The following B3GALT1 variants were observed in gnomAD, a reference collection of about 807,000 sequenced individuals.
B3GALT1 encodes beta-1,3-galactosyltransferase 1, also known as UDP-Gal:betaGlcNAc beta 1,3-galactosyltransferase, polypeptide 1.
In B3GALT1, 10 loss-of-function variants were observed where a neutral mutation model predicts 23.2. That is an observed-to-expected ratio of 0.43 (90% CI 0.27 to 0.73). The LOEUF (loss-of-function observed/expected upper bound fraction) is 0.73, where lower values mean the gene tolerates loss of function less well. B3GALT1 is among the 30% of genes least tolerant of loss of function. The probability of loss-of-function intolerance (pLI) is 0.21; values close to 1 mark genes in which losing one functional copy is unlikely to be tolerated. For synonymous variants in B3GALT1, 156 were observed against 141.5 expected (o/e 1.10, Z -0.73); for missense variants, 299 against 405.4 (o/e 0.74, Z 2.25).
At chr2:167,534,558 A>G (rs1462891233) in intron 2 of B3GALT1, among the ~76,000 whole-genome samples, 1 of 152,124 alleles carries the variant, frequency 6.6e-6, no homozygotes, top group East Asian at 1.9e-4. Context: ...AATCAAAAAT[A>G]TTTTTCTAAA....
At chr2:167,376,380 C>A (rs1460750041) in intron 1 of B3GALT1, among the ~76,000 whole-genome samples, 2 of 151,928 alleles carry the variant, frequency 1.3e-5, no homozygotes, top group Non-Finnish European at 2.9e-5. Context: ...AGGGAGGAGT[C>A]CCTTCTCAAT....
intron 3 of B3GALT1, among the ~76,000 whole-genome samples, chr2:167,770,324 A>G (rs1688052020): frequency 6.6e-6 from 1 of 152,146 alleles, no homozygotes; most frequent in African/African-American, 2.4e-5. Context: ...GTGATATATC[A>G]TTGTGGTTTT....
intron 4 of B3GALT1, among the ~76,000 whole-genome samples, chr2:167,851,639 G>C (rs1689895294): frequency 6.6e-6 from 1 of 152,168 alleles, no homozygotes; most frequent in South Asian, 2.1e-4. Context: ...ATACACTCTG[G>C]CTGTAAGCCA....
At chr2:167,858,824 A>G (rs983587062) in intron 4 of B3GALT1, among the ~76,000 whole-genome samples, 1 of 152,198 alleles carries the variant, frequency 6.6e-6, no homozygotes, top group Non-Finnish European at 1.5e-5. Context: ...AGTCTGTTCC[A>G]TGTATTATCA....
chr2:167,813,167 A>G (rs767776938), intron 3 of B3GALT1, among the ~76,000 whole-genome samples: 1 of 152,234 alleles, frequency 6.6e-6, no homozygotes, highest in Non-Finnish European at 1.5e-5. Context: ...GAAGCAATGA[A>G]TATAACAGGA....
Position 167,507,533 on chromosome 2 carries a change from A to AGAATAAGAT in B3GALT1, c.-410+17257_-410+17265dup, listed in dbSNP as rs1699939356. Among the ~76,000 whole-genome samples, 10 of 146,024 alleles carry AGAATAAGAT rather than the reference A, an allele frequency of 6.8e-5. No homozygotes were observed. The South Asian group carries it at 2.2e-3, about 32-fold the overall frequency. ...AAAAAAAAAAAAAAAAAAAAAAAGT[A>AGAATAAGAT]GAATAAGATAAAGGTGGTATTAAGA... On this transcript the variant is annotated intron_variant, in intron 2 of 4. Coordinates refer to ENST00000392690, the MANE Select transcript of B3GALT1 (RefSeq NM_020981.4).
intron 1 of B3GALT1, among the ~76,000 whole-genome samples, chr2:167,475,314 C>T (rs1699472245): frequency 6.6e-6 from 1 of 152,156 alleles, no homozygotes; most frequent in Admixed American, 6.5e-5. Flanking sequence ...ATCAGTTCCA[C>T]TCTCAAGGTA....
At chr2:167,358,369 C>T (rs1346862397) in intron 1 of B3GALT1, among the ~76,000 whole-genome samples, 1 of 152,120 alleles carries the variant, frequency 6.6e-6, no homozygotes, top group South Asian at 2.1e-4. Context: ...TTGATTACAT[C>T]GGCAGATTAG....
chr2:167,589,654 C>A (rs78672857), intron 2 of B3GALT1, among the ~76,000 whole-genome samples: 3,941 of 152,140 alleles, frequency 0.026, 86 homozygotes, highest in Middle Eastern at 0.041. Context: ...TTTCATTAAT[C>A]TGTCTTTTAT....
chr2:167,445,716 G>T (rs1006749839), intron 1 of B3GALT1, among the ~76,000 whole-genome samples: 3 of 152,020 alleles, frequency 2.0e-5, no homozygotes, highest in African/African-American at 7.2e-5. Context: ...AATTAACTTG[G>T]TAGATCTGCC....
At chr2:167,338,018 A>G (rs1697086171) in intron 1 of B3GALT1, among the ~76,000 whole-genome samples, 1 of 152,306 alleles carries the variant, frequency 6.6e-6, no homozygotes, top group South Asian at 2.1e-4. Context: ...ATTCCATTAC[A>G]TTCTTCTGTG....
intron 3 of B3GALT1, among the ~76,000 whole-genome samples, chr2:167,803,888 T>C (rs775763010): frequency 1.3e-5 from 2 of 152,166 alleles, no homozygotes; most frequent in Non-Finnish European, 2.9e-5. Flanking sequence ...AGTTGTATTT[T>C]ACGTTAATGG....
chr2:167,504,048 C>T (rs1421260622), intron 2 of B3GALT1, among the ~76,000 whole-genome samples: 1 of 152,178 alleles, frequency 6.6e-6, no homozygotes, highest in Non-Finnish European at 1.5e-5. Flanking sequence ...AGAACTACCA[C>T]ATCAACACCA....
At chr2:167,435,433 C>CAAAAAAAA (rs1159357073) in intron 1 of B3GALT1, among the ~76,000 whole-genome samples, 6 of 26,212 alleles carry the variant, frequency 2.3e-4, no homozygotes, top group African/African-American at 4.8e-4. Flanking sequence ...CATATGCTTG[C>CAAAAAAAA]AAAAAAAAAA....
chr2:167,478,128 G>A (rs1444880586), intron 1 of B3GALT1, among the ~76,000 whole-genome samples: 2 of 152,186 alleles, frequency 1.3e-5, no homozygotes, highest in African/African-American at 4.8e-5. Flanking sequence ...CTTTAGAGTG[G>A]ATACATTTAG....
chr2:167,852,153 G>A (rs1689914844), intron 4 of B3GALT1, among the ~76,000 whole-genome samples: 1 of 152,124 alleles, frequency 6.6e-6, no homozygotes, highest in African/African-American at 2.4e-5. Context: ...CATCTTGTTA[G>A]GAAATTTCAG....
intron 1 of B3GALT1, among the ~76,000 whole-genome samples, chr2:167,434,778 C>A (rs903918220): frequency 3.5e-4 from 48 of 138,234 alleles, no homozygotes; most frequent in Non-Finnish European, 3.7e-4. Context: ...AGTTAAACAG[C>A]CAATGCTATA....
chr2:167,423,297 A>T (rs1487457736), intron 1 of B3GALT1, among the ~76,000 whole-genome samples: 1 of 152,154 alleles, frequency 6.6e-6, no homozygotes, highest in East Asian at 1.9e-4. Flanking sequence ...AGAGTAGAGA[A>T]ATTTTCAGCT....
At chr2:167,758,960 C>G (rs1162396733) in intron 3 of B3GALT1, among the ~76,000 whole-genome samples, 3 of 152,088 alleles carry the variant, frequency 2.0e-5, no homozygotes, top group Admixed American at 2.0e-4. Context: ...CTCGCAGCAC[C>G]TTTCCTCCAG....
Sources: gnomAD v4.1 joint callset for allele counts (sites outside exome capture counted in the v4.1 genomes callset) on GRCh38, gnomAD v4.1.1 for gene constraint, MANE v1.5 for transcripts, NCBI Gene and HGNC (gene_info 2026-07-23, HGNC 2026-07-21) for gene names.